Variants in SLC25A29 observed in about 807,000 individuals in gnomAD.
The protein encoded by SLC25A29 is mitochondrial basic amino acids transporter.
Under a neutral mutation model 10.0 loss-of-function variants are expected in SLC25A29, and 13 were observed. That is an observed-to-expected ratio of 1.30 (90% CI 0.85 to 2.07). The LOEUF is 2.07. Ranked by LOEUF, SLC25A29 falls within the 30% of genes most tolerant of loss-of-function variation. The pLI is 0.00. For synonymous variants in SLC25A29, 244 were observed against 221.1 expected (o/e 1.10, Z -0.92); for missense variants, 475 against 447.6 (o/e 1.06, Z -0.55).
chr14:100,285,020 A>G, the SLC25A29 span, among the ~76,000 whole-genome samples: 8 of 120,794 alleles, frequency 6.6e-5, no homozygotes, highest in Non-Finnish European at 1.3e-4. Context: ...GCCTGGCGAC[A>G]GAGCGAGACT....
the SLC25A29 span, among the ~76,000 whole-genome samples, chr14:100,284,386 C>G: frequency 6.6e-6 from 1 of 152,226 alleles, no homozygotes; most frequent in African/African-American, 2.4e-5. Context: ...GACTGCCCGC[C>G]ATTGTGACCG....
Position 100,292,304 on chromosome 14 carries a change from C to T in SLC25A29, c.891G>A (p.Leu297=). 6.6e-7 allele frequency: 1 copy of T among 1,524,854 alleles called. No individual in the cohort carries two copies. Among genetic ancestry groups the T allele is most frequent in the South Asian group, 1.2e-5 (1 of 82,988 alleles). The allele number at this position is 1,524,854 out of a possible 1,614,324, so 94.5% of individuals were successfully genotyped here. A position where few individuals can be genotyped will look rare whatever the true frequency, so the allele number is the denominator to read the frequency against. ...AVPAAPAGPA[L]AQPSSL is the part of the protein sequence containing the mutation. ...AGCGTCACAGGCTGGAGGGCTGCGCCAGGGCAGGCCCCGCAGGGGCGGCGG... is the reference window on the plus strand; with the variant it reads ...AGCGTCACAGGCTGGAGGGCTGCGCTAGGGCAGGCCCCGCAGGGGCGGCGG... Residue 297 remains leucine, a synonymous_variant, in exon 4 of 4, where the codon CTG becomes CTA. Coordinates refer to ENST00000359232, the MANE Select transcript of SLC25A29 (RefSeq NM_001039355.3).
At chr14:100,290,156 C>T (rs1456062370), downstream of SLC25A29, among the ~76,000 whole-genome samples, 1 of 152,180 alleles carries the variant, frequency 6.6e-6, no homozygotes, top group Non-Finnish European at 1.5e-5. Flanking sequence ...CTAGAGAGTG[C>T]AGATGTGTGG....
At chr14:100,290,804 C>A (rs1030265706), downstream of SLC25A29, among the ~76,000 whole-genome samples, 2 of 152,242 alleles carry the variant, frequency 1.3e-5, no homozygotes, top group Admixed American at 1.3e-4. Flanking sequence ...TTTTGGGACA[C>A]ACCCTGCCCC....
At chr14:100,301,768 C>T (rs1892568302) in intron 1 of SLC25A29, among the ~76,000 whole-genome samples, 1 of 152,102 alleles carries the variant, frequency 6.6e-6, no homozygotes, top group Non-Finnish European at 1.5e-5. Context: ...CCTCGGCCAC[C>T]CAAAGTGCTG....
chr14:100,279,126 A>G, the SLC25A29 span: 1 of 152,390 alleles, frequency 6.6e-6, no homozygotes, highest in African/African-American at 2.4e-5. Flanking sequence ...TCTTAAATGT[A>G]CGATTATAAT....
Position 100,292,039 on chromosome 14 carries a change from G to A in SLC25A29, c.*244C>T, listed in dbSNP as rs896659669. 2 of 531,158 alleles carry A rather than the reference G, an allele frequency of 3.8e-6. No homozygotes were observed. The highest frequency in any genetic ancestry group is 2.1e-5 in the African/African-American group (1 of 48,648). 32.9% of individuals were successfully genotyped at this position (531,158 alleles called of 1,614,324 possible). A position where few individuals can be genotyped will look rare whatever the true frequency, so the allele number is the denominator to read the frequency against. ...CAGGCCAGGTGCTGGCTGCTGCTGG[G>A]AATAATCTCTGAGCTTCGTGACTCT... On this transcript the variant is annotated 3_prime_UTR_variant, in exon 4 of 4. Transcript: ENST00000359232.
At chr14:100,298,468 A>G in intron 2 of SLC25A29, 1 of 327,620 alleles carries the variant, frequency 3.1e-6, no homozygotes. Flanking sequence ...CACTCCGTGA[A>G]GATCATGTTC....
At chr14:100,302,826 C>A (rs1059264) in intron 1 of SLC25A29, among the ~76,000 whole-genome samples, 4 of 150,596 alleles carry the variant, frequency 2.7e-5, no homozygotes, top group Admixed American at 2.6e-4. Context: ...TGTGGGAGGT[C>A]GCTGAGATTT....
chr14:100,304,745 G>A (rs1892801477), intron 1 of SLC25A29, among the ~76,000 whole-genome samples: 1 of 152,218 alleles, frequency 6.6e-6, no homozygotes, highest in South Asian at 2.1e-4. Context: ...GGAGACCACA[G>A]ATGTGCCGGG....
At chr14:100,288,346 C>T (rs1482547322), downstream of SLC25A29, among the ~76,000 whole-genome samples, 1 of 142,520 alleles carries the variant, frequency 7.0e-6, no homozygotes, top group East Asian at 2.0e-4. Context: ...TGTGCCATTG[C>T]ACTCCAGCCT....
chr14:100,306,251 GC>G lies in SLC25A29; in HGVS notation c.-20del. On this transcript the variant is annotated 5_prime_UTR_variant, in exon 1 of 4. Transcript: ENST00000359232. ...GCGCCATGGCCGGGTCCCCGGCGAG[GC>G]CGCCTTTCCTCCTCGTCCTCCCCCT... 1 of 1,481,286 alleles carries G rather than the reference GC, an allele frequency of 6.8e-7. No individual in the cohort carries two copies. Among genetic ancestry groups the G allele is most frequent in the South Asian group, 1.3e-5 (1 of 75,500 alleles). The allele number at this position is 1,481,286 out of a possible 1,614,324, so 91.8% of individuals were successfully genotyped here.
intron 1 of SLC25A29, among the ~76,000 whole-genome samples, chr14:100,301,001 G>C (rs1478491147): frequency 6.6e-6 from 1 of 152,008 alleles, no homozygotes; most frequent in African/African-American, 2.4e-5. Context: ...CCGGGTTCAT[G>C]CCATTCTCCT....
chr14:100,299,531 T>C (rs568565282), intron 1 of SLC25A29: 1 of 986,406 alleles, frequency 1.0e-6, no homozygotes, highest in African/African-American at 1.7e-5. Context: ...GGAGACAGCT[T>C]GTGACTGTGC....
At chr14:100,287,872 T>C (rs918052619), downstream of SLC25A29, among the ~76,000 whole-genome samples, 2 of 152,108 alleles carry the variant, frequency 1.3e-5, no homozygotes, top group African/African-American at 4.8e-5. Flanking sequence ...AATAGTGTGC[T>C]GAATGAGAGG....
intron 2 of SLC25A29, chr14:100,295,891 C>T: frequency 7.8e-7 from 1 of 1,289,782 alleles, no homozygotes. Flanking sequence ...AGAAAACTCC[C>T]TTCGTGTAGA....
rs571456948 is a variant in SLC25A29 at position 100,292,477 on chromosome 14, G to A, written c.718C>T (p.Arg240Cys). 1.1e-3 allele frequency: 1,726 copies of A among 1,583,326 alleles called. 33 individuals carry two copies. The South Asian group carries it at 0.019, about 17-fold the overall frequency. The stretch of plus-strand genomic sequence containing the variant: ...GTGAAGACGCGCCAGCCCTCGGCGC[G>A]GTAGCTCTGGTGCACGCAGTCCAGG... Reference protein sequence around the residue: ...GILDCVHQSYRAEGWRVFTRG... With the variant: ...GILDCVHQSYCAEGWRVFTRG... Residue 240 changes from arginine (R) to cysteine (C), a missense_variant, in exon 4 of 4, where the codon CGC (arginine) becomes TGC (cysteine). Transcript: ENST00000359232.
At position 100,298,898 on chromosome 14, in the gene SLC25A29, A is replaced by G. The variant is rs1214535124; in HGVS notation, c.35-13T>C. On this transcript the variant is annotated splice_polypyrimidine_tract_variant and intron_variant, in intron 1 of 3. Transcript: ENST00000359232. ...ACGCCTGCCACACCTGGAGGAGGAG[A>G]GGGGGACTTGTGACCCACATACCTC... 1 of 1,614,096 alleles carries G rather than the reference A, an allele frequency of 6.2e-7. No individual in the cohort carries two copies. Among genetic ancestry groups the G allele is most frequent in the Admixed American group, 1.7e-5 (1 of 60,020 alleles).
chr14:100,278,666 TGAAA>T, the SLC25A29 span: 1 of 152,262 alleles, frequency 6.6e-6, no homozygotes, highest in Non-Finnish European at 1.5e-5. Flanking sequence ...TCCTGACTTC[TGAAA>T]GAGAGTAGGT....
Sources: gnomAD v4.1 joint callset for allele counts (sites outside exome capture counted in the v4.1 genomes callset) on GRCh38, gnomAD v4.1.1 for gene constraint, MANE v1.5 for transcripts, NCBI Gene and HGNC (gene_info 2026-07-23, HGNC 2026-07-21) for gene names.